TMEFF1: variants seen among roughly 807,000 people sequenced by gnomAD.
The protein encoded by TMEFF1 is tomoregulin-1.
Under a neutral mutation model 47.5 loss-of-function variants are expected in TMEFF1, and 20 were observed. The observed-to-expected ratio is 0.42, with a 90% CI of 0.30 to 0.61. The LOEUF is 0.61. Among genes scored for constraint, TMEFF1 ranks in the 20% least tolerant of loss-of-function variants. The probability of loss-of-function intolerance (pLI) is 0.19; values close to 1 mark genes in which losing one functional copy is unlikely to be tolerated. For synonymous variants in TMEFF1, 162 were observed against 166.3 expected, an observed-to-expected ratio of 0.97 and a Z score of 0.20; for missense variants, 411 against 471.1, an observed-to-expected ratio of 0.87 and a Z score of 1.18.
intron 2 of TMEFF1, among the ~76,000 whole-genome samples, chr9:100,507,740 T>C (rs1837887899): frequency 6.6e-6 from 1 of 152,212 alleles, no homozygotes; most frequent in Non-Finnish European, 1.5e-5. Context: ...CAAAAGGTAA[T>C]TCTTAATGAC....
intron 7 of TMEFF1, among the ~76,000 whole-genome samples, chr9:100,559,297 C>A (rs1838971124): frequency 1.3e-5 from 2 of 152,086 alleles, no homozygotes; most frequent in Admixed American, 1.3e-4. Flanking sequence ...TGGAAGAGAC[C>A]TTATAAGCCC....
intron 1 of TMEFF1, among the ~76,000 whole-genome samples, chr9:100,475,000 G>A (rs1387053340): frequency 6.6e-6 from 1 of 152,194 alleles, no homozygotes; most frequent in Non-Finnish European, 1.5e-5. Flanking sequence ...GCAGATGCTA[G>A]TGATCATAAG....
chr9:100,513,339 T>C lies in TMEFF1; in HGVS notation c.463+6T>C. 1 of 1,595,058 alleles carries C rather than the reference T, an allele frequency of 6.3e-7. No homozygotes were observed. The highest frequency in any genetic ancestry group is 1.2e-5 in the South Asian group (1 of 85,642). ...ATCTGGATCTGGAGAAGGAGGTAAG[T>C]TTCAAGTACCTCTTAAAGGATATTT... On this transcript the variant is annotated splice_donor_region_variant and intron_variant, in intron 4 of 9. Coordinates refer to ENST00000374879, the MANE Select transcript of TMEFF1 (RefSeq NM_003692.5).
intron 1 of TMEFF1, among the ~76,000 whole-genome samples, chr9:100,482,448 T>C (rs1051441070): frequency 7.2e-5 from 11 of 152,230 alleles, no homozygotes; most frequent in Middle Eastern, 3.4e-3. Context: ...TCTGCCCGCC[T>C]CGGCCTCCCA....
intron 1 of TMEFF1, among the ~76,000 whole-genome samples, chr9:100,476,585 G>A (rs1002932584): frequency 1.3e-5 from 2 of 151,794 alleles, no homozygotes; most frequent in African/African-American, 4.8e-5. Flanking sequence ...TAGGGATGGG[G>A]TTTCACAATG....
rs566923664 is a variant in TMEFF1, at chr9:100,479,830, T to C, written c.196+6090T>C. 3.9e-5 allele frequency among the ~76,000 whole-genome samples: 6 copies of C among 152,360 alleles called. No individual in the cohort carries two copies. In the East Asian group the frequency reaches 1.2e-3, roughly 29 times the overall value. The stretch of plus-strand genomic sequence containing the variant: ...GTTATGAATAATGCTGCTGTAACAT[T>C]CATGGACAAGTTTTTTGTGGACACA... On this transcript the variant is annotated intron_variant, in intron 1 of 9. Coordinates refer to ENST00000374879, the MANE Select transcript of TMEFF1 (RefSeq NM_003692.5).
chr9:100,498,682 C>CCT, intron 1 of TMEFF1, 83 bp from the exon 2 acceptor site: 1 of 1,235,804 alleles, frequency 8.1e-7, no homozygotes, highest in Non-Finnish European at 1.1e-6. Flanking sequence ...AGGACTTTTT[C>CCT]ATACACACAC....
At chr9:100,504,996 G>T (rs984419198) in intron 2 of TMEFF1, among the ~76,000 whole-genome samples, 1 of 151,992 alleles carries the variant, frequency 6.6e-6, no homozygotes, top group South Asian at 2.1e-4. Flanking sequence ...ATGTAAAGGA[G>T]AAATAAAAGT....
chr9:100,545,219 G>T (rs1247339885), intron 5 of TMEFF1, among the ~76,000 whole-genome samples: 3 of 152,222 alleles, frequency 2.0e-5, no homozygotes, highest in Non-Finnish European at 4.4e-5. Flanking sequence ...CCCTAGCAGA[G>T]GTTCTCCATG....
chr9:100,478,577 C>T (rs1231267461), intron 1 of TMEFF1, among the ~76,000 whole-genome samples: 1 of 152,160 alleles, frequency 6.6e-6, no homozygotes, highest in African/African-American at 2.4e-5. Flanking sequence ...TCCACTTATT[C>T]TGGACTTTAG....
chr9:100,492,612 A>G (rs1837574978), intron 1 of TMEFF1, among the ~76,000 whole-genome samples: 1 of 152,206 alleles, frequency 6.6e-6, no homozygotes, highest in African/African-American at 2.4e-5. Flanking sequence ...TAAGAGTGTT[A>G]TTGACACGGA....
At chr9:100,519,459 G>T (rs1838124239) in intron 5 of TMEFF1, among the ~76,000 whole-genome samples, 1 of 151,786 alleles carries the variant, frequency 6.6e-6, no homozygotes, top group African/African-American at 2.4e-5. Flanking sequence ...CTTCTAGTCT[G>T]ATCCTCTCAC....
chr9:100,570,723 A>T (rs1839224246), intron 8 of TMEFF1, among the ~76,000 whole-genome samples: 1 of 151,882 alleles, frequency 6.6e-6, no homozygotes, highest in South Asian at 2.1e-4. Context: ...AACCTCAGGG[A>T]CTGGATTGGT....
At chr9:100,560,344 A>G (rs908357109) in intron 7 of TMEFF1, among the ~76,000 whole-genome samples, 1 of 152,170 alleles carries the variant, frequency 6.6e-6, no homozygotes, top group Non-Finnish European at 1.5e-5. Context: ...TACTGCAGGT[A>G]CGGCTGTAGT....
chr9:100,515,232 A>G (rs1838044227), intron 4 of TMEFF1, among the ~76,000 whole-genome samples: 1 of 152,134 alleles, frequency 6.6e-6, no homozygotes, highest in Non-Finnish European at 1.5e-5. Flanking sequence ...CATGAGTTAG[A>G]AGGGCTAAGT....
chr9:100,504,220 C>A (rs147920801), intron 2 of TMEFF1, among the ~76,000 whole-genome samples: 43 of 152,260 alleles, frequency 2.8e-4, no homozygotes, highest in African/African-American at 1.0e-3. Context: ...AGTCAGAAAT[C>A]GCATGTTGTT....
chr9:100,492,111 C>G (rs1837563045), intron 1 of TMEFF1, among the ~76,000 whole-genome samples: 1 of 152,186 alleles, frequency 6.6e-6, no homozygotes, highest in Admixed American at 6.5e-5. Context: ...GTCTTGAACT[C>G]TTGACCTCAT....
At chr9:100,545,551 C>T (rs1838717750) in intron 5 of TMEFF1, among the ~76,000 whole-genome samples, 2 of 152,206 alleles carry the variant, frequency 1.3e-5, no homozygotes, top group African/African-American at 4.8e-5. Flanking sequence ...CCATGAAGAC[C>T]TCTGACATGC....
intron 1 of TMEFF1, among the ~76,000 whole-genome samples, chr9:100,488,903 T>C (rs1173421982): frequency 1.3e-5 from 2 of 152,222 alleles, no homozygotes. Context: ...ATTATTTCTA[T>C]TTTTTATTGA....
Sources: allele counts gnomAD v4.1 joint callset (sites outside exome capture counted in the v4.1 genomes callset), GRCh38; gene constraint gnomAD v4.1.1; transcripts MANE v1.5; gene names NCBI Gene and HGNC (gene_info 2026-07-23, HGNC 2026-07-21).